Variants in CHST9 observed in about 807,000 individuals in gnomAD.
The protein encoded by CHST9 is GalNAc-4-sulfotransferase 2.
In CHST9, 41 loss-of-function variants were observed where a neutral mutation model predicts 44.4. The ratio of observed to expected loss-of-function variants is 0.92; its 90% CI spans 0.72 to 1.20. CHST9 has a LOEUF of 1.20. Among genes scored for constraint, CHST9 ranks in the 50% most tolerant of loss-of-function variants. CHST9 has a pLI of 0.00. For synonymous variants in CHST9, 171 were observed against 178.4 expected (o/e 0.96, Z 0.33); for missense variants, 504 against 516.5 (o/e 0.98, Z 0.23).
intron 2 of CHST9, among the ~76,000 whole-genome samples, chr18:27,080,527 T>C (rs8093303): frequency 0.095 from 14,442 of 152,178 alleles, 708 homozygotes; most frequent in East Asian, 0.14. Flanking sequence ...TTTACTTTTG[T>C]ATTCTTTGGC....
intron 1 of CHST9, among the ~76,000 whole-genome samples, chr18:27,153,546 CTGTG>C (rs370815871): frequency 3.5e-4 from 48 of 138,606 alleles, no homozygotes; most frequent in South Asian, 7.2e-4. Flanking sequence ...CTCTCTCTCT[CTGTG>C]TGTGTGTGTG....
rs1481460892 is a variant in CHST9 at position 26,915,310 on chromosome 18, G to T, written c.*949C>A. The T allele has an allele frequency of 1.7e-5, 4 of 232,924 alleles. No individual in the cohort carries two copies. Among genetic ancestry groups the T allele is most frequent in the Non-Finnish European group, 2.5e-5 (3 of 122,154 alleles). The allele number at this position is 232,924 out of a possible 1,614,324, so 14.4% of individuals were successfully genotyped here. Reference sequence around the variant, plus strand: ...ACTGAAAACAAAAGCTATTCTTAGGGTGTATTCCACATATAAAGCTATGCA... The same window carrying T: ...ACTGAAAACAAAAGCTATTCTTAGGTTGTATTCCACATATAAAGCTATGCA... On this transcript the variant is annotated 3_prime_UTR_variant, in exon 6 of 6. Coordinates refer to ENST00000618847, the MANE Select transcript of CHST9 (RefSeq NM_031422.6).
chr18:26,912,400 C>T lies in CHST9; in HGVS notation c.*3859G>A, dbSNP rs1200718902. On this transcript the variant is annotated 3_prime_UTR_variant, in exon 6 of 6. Coordinates refer to ENST00000618847, the MANE Select transcript of CHST9 (RefSeq NM_031422.6). ...ACACACACACACACACACACACACA[C>T]ACACACACACACAGACACCCATATT... 2 of 151,746 alleles carry T rather than the reference C, an allele frequency of 1.3e-5. No homozygotes were observed. Among genetic ancestry groups the T allele is most frequent in the African/African-American group, 4.9e-5 (2 of 40,946 alleles). 9.4% of individuals were successfully genotyped at this position (151,746 alleles called of 1,614,324 possible). A position where few individuals can be genotyped will look rare whatever the true frequency, so the allele number is the denominator to read the frequency against.
At chr18:27,039,086 G>A (rs1336625302) in intron 3 of CHST9, among the ~76,000 whole-genome samples, 1 of 152,134 alleles carries the variant, frequency 6.6e-6, no homozygotes, top group Non-Finnish European at 1.5e-5. Context: ...GAAATCTGGA[G>A]AGTCTTACAA....
In CHST9 at chr18:27,132,120, G is replaced by A. The variant is rs529401155; in HGVS notation, c.121+10569C>T. ...GGCTCTGGTCACTTATATTGGCTTG[G>A]AATAACCCTCTTTAAAATATTTCAC... On this transcript the variant is annotated intron_variant, in intron 2 of 5. Coordinates refer to ENST00000618847, the MANE Select transcript of CHST9 (RefSeq NM_031422.6). Among the ~76,000 whole-genome samples the A allele has an allele frequency of 2.1e-3, 327 of 152,258 alleles. 1 individual carries two copies. The highest frequency in any genetic ancestry group is 3.8e-3 in the Non-Finnish European group (260 of 68,024).
At chr18:27,077,014 G>GCAGT (rs1568162768) in intron 2 of CHST9, among the ~76,000 whole-genome samples, 2 of 152,064 alleles carry the variant, frequency 1.3e-5, no homozygotes, top group Non-Finnish European at 2.9e-5. Flanking sequence ...ACTAGAAAAG[G>GCAGT]CAGTCCATCT....
chr18:26,965,768 C>T (rs912383871), intron 4 of CHST9, among the ~76,000 whole-genome samples: 1 of 152,170 alleles, frequency 6.6e-6, no homozygotes, highest in African/African-American at 2.4e-5. Context: ...GTAAGAAGAT[C>T]TTATACTAGT....
intron 3 of CHST9, among the ~76,000 whole-genome samples, chr18:27,036,251 C>T (rs1401929943): frequency 6.6e-6 from 1 of 152,174 alleles, no homozygotes; most frequent in East Asian, 1.9e-4. Flanking sequence ...ATAGGTAAGT[C>T]TCAAGGCTGA....
intron 4 of CHST9, among the ~76,000 whole-genome samples, chr18:27,000,524 A>T (rs1335491754): frequency 6.6e-6 from 1 of 152,210 alleles, no homozygotes; most frequent in African/African-American, 2.4e-5. Context: ...ACGTGGAAAC[A>T]TAAGATGAAG....
intron 4 of CHST9, among the ~76,000 whole-genome samples, chr18:27,020,159 G>A (rs552909537): frequency 6.6e-6 from 1 of 152,282 alleles, no homozygotes; most frequent in South Asian, 2.1e-4. Flanking sequence ...TGTAGAATGG[G>A]AGAGAGTACC....
intron 5 of CHST9, among the ~76,000 whole-genome samples, chr18:26,931,072 G>T (rs1182646421): frequency 1.3e-5 from 2 of 152,140 alleles, no homozygotes; most frequent in East Asian, 3.9e-4. Flanking sequence ...GATTGTTGAT[G>T]CATCCAACTG....
At chr18:26,957,262 GCT>G (rs1436159405) in intron 4 of CHST9, among the ~76,000 whole-genome samples, 3 of 152,158 alleles carry the variant, frequency 2.0e-5, no homozygotes, top group East Asian at 3.8e-4. Context: ...AGCTCAGAAT[GCT>G]CTCTCACCAA....
At chr18:27,034,973 A>G (rs1329788478) in intron 3 of CHST9, among the ~76,000 whole-genome samples, 1 of 152,204 alleles carries the variant, frequency 6.6e-6, no homozygotes, top group African/African-American at 2.4e-5. Context: ...ATAGTTTAAT[A>G]TATCTCTTTG....
Position 27,048,467 on chromosome 18 carries a change from G to A in CHST9, c.158C>T (p.Ser53Leu), listed in dbSNP as rs767631207. Residue 53 changes from serine to leucine, a missense_variant and splice_region_variant, in exon 3 of 6, where the codon TCA (serine) becomes TTA (leucine). By Grantham distance (145) the Ser-to-Leu change is moderately radical. Coordinates refer to ENST00000618847, the MANE Select transcript of CHST9 (RefSeq NM_031422.6). Reference sequence around the variant, plus strand: ...GAGCCCATTGGACAAAATCTTACCTGAAGTTACTTTTTGTTCTCTTCTCTT... The same window carrying A: ...GAGCCCATTGGACAAAATCTTACCTAAAGTTACTTTTTGTTCTCTTCTCTT... ...VEKRREQKVT[S>L]GWGPVKYLRP... 2 of 1,606,720 alleles carry A rather than the reference G, an allele frequency of 1.2e-6. No individual in the cohort carries two copies. Among genetic ancestry groups the A allele is most frequent in the East Asian group, 2.2e-5 (1 of 44,520 alleles).
Position 27,142,680 on chromosome 18 carries a change from A to G in CHST9, c.121+9T>C, listed in dbSNP as rs2058577530. Reference sequence around the variant, plus strand: ...ACAATTAAAATAGAAGAAAAAGCACATGTGTTACCTGTATGTTGTTCTTCA... The same window carrying G: ...ACAATTAAAATAGAAGAAAAAGCACGTGTGTTACCTGTATGTTGTTCTTCA... On this transcript the variant is annotated intron_variant, in intron 2 of 5. Transcript: ENST00000618847. 2 of 1,565,016 alleles carry G rather than the reference A, an allele frequency of 1.3e-6. No individual in the cohort carries two copies. Among genetic ancestry groups the G allele is most frequent in the South Asian group, 2.5e-5 (2 of 79,748 alleles).
intron 4 of CHST9, among the ~76,000 whole-genome samples, chr18:26,991,549 G>A (rs1417234403): frequency 6.6e-6 from 1 of 152,174 alleles, no homozygotes; most frequent in South Asian, 2.1e-4. Context: ...TTAACAGCAT[G>A]AGACTAGCTG....
intron 4 of CHST9, among the ~76,000 whole-genome samples, chr18:27,012,013 G>A (rs2057090843): frequency 6.6e-6 from 1 of 152,222 alleles, no homozygotes; most frequent in South Asian, 2.1e-4. Flanking sequence ...GTATCTAGTT[G>A]TGCTTTGGTC....
At chr18:27,030,287 C>T (rs905866849) in intron 3 of CHST9, among the ~76,000 whole-genome samples, 1 of 152,112 alleles carries the variant, frequency 6.6e-6, no homozygotes, top group African/African-American at 2.4e-5. Flanking sequence ...TTTAACCGAT[C>T]TGGTTATAAA....
intron 1 of CHST9, among the ~76,000 whole-genome samples, chr18:27,177,219 A>C (rs1229689267): frequency 1.3e-5 from 2 of 152,024 alleles, no homozygotes; most frequent in Non-Finnish European, 2.9e-5. Context: ...TGAGAAATCG[A>C]TCTTTTGGGG....
Sources: allele counts gnomAD v4.1 joint callset (sites outside exome capture counted in the v4.1 genomes callset), GRCh38; gene constraint gnomAD v4.1.1; transcripts MANE v1.5; gene names NCBI Gene and HGNC (gene_info 2026-07-23, HGNC 2026-07-21).